WWOX: variants seen among roughly 807,000 people sequenced by gnomAD.
WWOX encodes the protein WW domain containing oxidoreductase.
WWOX carries 69 observed loss-of-function variants against 46.2 expected under a neutral mutation model. The observed-to-expected ratio is 1.49, with a 90% confidence interval of 1.23 to 1.82. WWOX has a LOEUF of 1.82. Among genes scored for constraint, WWOX ranks in the 40% most tolerant of loss-of-function variants. The probability of loss-of-function intolerance (pLI) is 0.00; values close to 1 mark genes in which losing one functional copy is unlikely to be tolerated. For missense variants in WWOX, 919 were observed against 542.6 expected (o/e 1.69, Z -6.89); for synonymous variants, 359 against 202.6 (o/e 1.77, Z -6.56).
At chr16:78,894,232 C>T (rs1221949339) in intron 8 of WWOX, among the ~76,000 whole-genome samples, 1 of 151,906 alleles carries the variant, frequency 6.6e-6, no homozygotes, top group East Asian at 1.9e-4. Context: ...CCATAGTTAG[C>T]CTTGATCGTT....
At chr16:78,533,715 G>T (rs946170574) in intron 8 of WWOX, among the ~76,000 whole-genome samples, 1 of 152,164 alleles carries the variant, frequency 6.6e-6, no homozygotes, top group Non-Finnish European at 1.5e-5. Flanking sequence ...TGTGCTCCAG[G>T]TCTGAGCAGA....
chr16:78,132,830 A>G (rs1212960621), intron 4 of WWOX, among the ~76,000 whole-genome samples: 1 of 152,212 alleles, frequency 6.6e-6, no homozygotes, highest in Non-Finnish European at 1.5e-5. Context: ...CTGACAATCT[A>G]TACCAGGGAG....
chr16:79,019,131 C>A (rs998430536), intron 8 of WWOX, among the ~76,000 whole-genome samples: 1 of 123,858 alleles, frequency 8.1e-6, no homozygotes, highest in Admixed American at 1.1e-4. Context: ...GCCTTCTAGC[C>A]TGGGCAGCAG....
chr16:78,831,904 A>G (rs924144144), intron 8 of WWOX, among the ~76,000 whole-genome samples: 2 of 152,098 alleles, frequency 1.3e-5, no homozygotes, highest in Non-Finnish European at 2.9e-5. Flanking sequence ...TCTCGTCGTA[A>G]TTTTCTCAAA....
rs1182071552 is a variant in WWOX, at chr16:78,191,522, G to C, written c.516+27233G>C. ...AGGAAGTTGCATTTAAAAAATCTTG[G>C]ATACCTGTTTTGTACATATTATATA... On this transcript the variant is annotated intron_variant, in intron 5 of 8. Coordinates refer to ENST00000566780, the MANE Select transcript of WWOX (RefSeq NM_016373.4). Among the ~76,000 whole-genome samples, 3 of 152,178 alleles carry C rather than the reference G, an allele frequency of 2.0e-5. No individual in the cohort carries two copies. In the East Asian group the frequency reaches 5.8e-4, roughly 29 times the overall value.
intron 8 of WWOX, among the ~76,000 whole-genome samples, chr16:78,627,741 A>T (rs1051027483): frequency 5.3e-5 from 8 of 152,204 alleles, no homozygotes; most frequent in African/African-American, 1.9e-4. Flanking sequence ...ACCTATGTTA[A>T]CTCTATTTCA....
chr16:78,628,083 G>T (rs1254164092), intron 8 of WWOX, among the ~76,000 whole-genome samples: 1 of 152,168 alleles, frequency 6.6e-6, no homozygotes, highest in Non-Finnish European at 1.5e-5. Context: ...GGATTTTCAA[G>T]GAGCAGTAGA....
intron 8 of WWOX, among the ~76,000 whole-genome samples, chr16:78,436,931 G>A (rs1240430564): frequency 1.3e-5 from 2 of 152,216 alleles, no homozygotes; most frequent in Non-Finnish European, 2.9e-5. Context: ...CCACGCAGTT[G>A]CATCCCATTT....
rs1440872501 is a variant in WWOX at position 78,170,124 on chromosome 16, T to C, written c.516+5835T>C. ...TATGGGAGGGGTGACCCAAGTATGT[T>C]TGTGGCAACCAAAATGTCTCCAGGC... On this transcript the variant is annotated intron_variant, in intron 5 of 8. Transcript: ENST00000566780. Among the ~76,000 whole-genome samples, 3 of 152,082 alleles carry C rather than the reference T, an allele frequency of 2.0e-5. No individual in the cohort carries two copies. The East Asian group carries it at 5.8e-4, about 29-fold the overall frequency.
chr16:79,163,840 G>C (rs891281329), intron 8 of WWOX, among the ~76,000 whole-genome samples: 1 of 142,942 alleles, frequency 7.0e-6, no homozygotes, highest in African/African-American at 2.6e-5. Flanking sequence ...AAGGTCAGAG[G>C]GGGAAAAGAG....
At chr16:79,095,845 C>T (rs1311770224) in intron 8 of WWOX, among the ~76,000 whole-genome samples, 2 of 147,810 alleles carry the variant, frequency 1.4e-5, no homozygotes, top group Non-Finnish European at 3.0e-5. Context: ...GATCACTGCT[C>T]AATTCTCTCT....
chr16:78,651,912 A>T (rs905938589), intron 8 of WWOX, among the ~76,000 whole-genome samples: 1 of 152,128 alleles, frequency 6.6e-6, no homozygotes, highest in Non-Finnish European at 1.5e-5. Flanking sequence ...GGAGTGAGAG[A>T]GAGTGTAAGT....
intron 8 of WWOX, among the ~76,000 whole-genome samples, chr16:79,037,248 C>G (rs2047885651): frequency 6.6e-6 from 1 of 152,178 alleles, no homozygotes; most frequent in South Asian, 2.1e-4. Flanking sequence ...TCTCTCGCTC[C>G]TGCTCCTGAC....
chr16:78,867,369 C>G (rs1331878059), intron 8 of WWOX, among the ~76,000 whole-genome samples: 1 of 152,018 alleles, frequency 6.6e-6, no homozygotes, highest in Non-Finnish European at 1.5e-5. Context: ...TAAATGGGAA[C>G]TTAGGCACAA....
chr16:78,312,312 G>A (rs545796050), intron 5 of WWOX, among the ~76,000 whole-genome samples: 18 of 150,678 alleles, frequency 1.2e-4, no homozygotes, highest in South Asian at 8.4e-4. Flanking sequence ...TTCTTTCTCC[G>A]TTGAAAACTT....
chr16:78,956,029 G>C (rs1028766586), intron 8 of WWOX, among the ~76,000 whole-genome samples: 1 of 151,568 alleles, frequency 6.6e-6, no homozygotes, highest in Non-Finnish European at 1.5e-5. Flanking sequence ...TTTTAGAACT[G>C]TTTTAGTTGG....
At chr16:78,950,034 C>G (rs948359623) in intron 8 of WWOX, among the ~76,000 whole-genome samples, 7 of 152,154 alleles carry the variant, frequency 4.6e-5, no homozygotes, top group Non-Finnish European at 8.8e-5. Flanking sequence ...CAAGGCTGTG[C>G]AGCTCTAGGT....
chr16:78,265,221 G>C (rs2079337456), intron 5 of WWOX, among the ~76,000 whole-genome samples: 1 of 151,562 alleles, frequency 6.6e-6, no homozygotes, highest in South Asian at 2.1e-4. Flanking sequence ...GGCTGGTCTT[G>C]AACTCCTGAC....
chr16:78,778,254 C>G lies in WWOX; in HGVS notation c.1056+345502C>G, dbSNP rs1049868686. Among the ~76,000 whole-genome samples the G allele has an allele frequency of 7.2e-5, 11 of 152,144 alleles. No homozygotes were observed. In the East Asian group the frequency reaches 1.9e-3, roughly 27 times the overall value. On this transcript the variant is annotated intron_variant, in intron 8 of 8. Coordinates refer to ENST00000566780, the MANE Select transcript of WWOX (RefSeq NM_016373.4). ...AATAACCTCCCATCCCCTGTGTCTC[C>G]TTTGTGGAGCTCTTGGCAATACTCT... is the stretch of plus-strand genomic sequence containing the variant.
Sources: allele counts gnomAD v4.1 joint callset (sites outside exome capture counted in the v4.1 genomes callset), GRCh38; gene constraint gnomAD v4.1.1; transcripts MANE v1.5; gene names NCBI Gene and HGNC (gene_info 2026-07-23, HGNC 2026-07-21).